SLC22A2: variants seen among roughly 807,000 people sequenced by gnomAD.
SLC22A2 encodes organic cation transporter 2.
In SLC22A2, 46 loss-of-function variants were observed where a neutral mutation model predicts 60.5. That is an observed-to-expected ratio of 0.76 (90% CI 0.60 to 0.97). SLC22A2 has a LOEUF of 0.97. Among genes scored for constraint, SLC22A2 ranks in the 50% least tolerant of loss-of-function variants. The pLI, the probability that SLC22A2 is intolerant of heterozygous loss-of-function variation, is 0.00. For synonymous variants in SLC22A2, 303 were observed against 267.0 expected, an observed-to-expected ratio of 1.13 and a Z score of -1.31; for missense variants, 701 against 706.6, an observed-to-expected ratio of 0.99 and a Z score of 0.09.
At position 160,216,971 on chromosome 6, in the gene SLC22A2, A is replaced by T. The variant is rs3127593; in HGVS notation, c.*461T>A. On this transcript the variant is annotated 3_prime_UTR_variant, in exon 11 of 11. Transcript: ENST00000366953. ...ACCTGTGTTACTGAAAGGCCTATCT[A>T]AAATTCTTGACATACATTCTGGACA... 18,452 of 151,718 alleles carry T rather than the reference A, an allele frequency of 0.12. 1,292 individuals carry two copies. The highest frequency in any genetic ancestry group is 0.17 in the African/African-American group (6,792 of 40,828). 9.4% of individuals were successfully genotyped at this position (151,718 alleles called of 1,614,324 possible).
rs1483942608 is a variant in SLC22A2, at chr6:160,258,536, C to T, written c.222G>A (p.Thr74=). 5 of 1,613,904 alleles carry T rather than the reference C, an allele frequency of 3.1e-6. No homozygotes were observed. The highest frequency in any genetic ancestry group is 2.2e-5 in the East Asian group (1 of 44,886). The change falls in exon 1 of 11, where the codon ACG becomes ACA. Residue 74 remains threonine (T), a synonymous_variant. Coordinates refer to ENST00000366953, the MANE Select transcript of SLC22A2 (RefSeq NM_003058.4). ...GWSPAEELNY[T]VPGPGPAGEA... ...CGCCCGCAGGTCCTGGGCCCGGCAC[C>T]GTGTAGTTCAGTTCCTCTGCAGGAC...
At chr6:160,223,809 C>A (rs1194253054) in intron 10 of SLC22A2, among the ~76,000 whole-genome samples, 1 of 152,152 alleles carries the variant, frequency 6.6e-6, no homozygotes, top group African/African-American at 2.4e-5. Flanking sequence ...CTCACTGCAA[C>A]CTCTGCCTCC....
chr6:160,238,238 G>A (rs945616278), intron 9 of SLC22A2, among the ~76,000 whole-genome samples: 2 of 152,196 alleles, frequency 1.3e-5, no homozygotes, highest in African/African-American at 4.8e-5. Context: ...TTGTTATGAG[G>A]CTGAAATGAA....
chr6:160,251,568 C>T (rs1196673646), intron 2 of SLC22A2, among the ~76,000 whole-genome samples: 1 of 152,120 alleles, frequency 6.6e-6, no homozygotes, highest in Non-Finnish European at 1.5e-5. Flanking sequence ...AGAGAGTTGA[C>T]CTGGGGCCCA....
At chr6:160,240,597 G>T (rs1359962978) in intron 9 of SLC22A2, among the ~76,000 whole-genome samples, 2 of 152,184 alleles carry the variant, frequency 1.3e-5, no homozygotes, top group African/African-American at 4.8e-5. Flanking sequence ...CTGGAAGAGG[G>T]TGTTGCATGA....
intron 1 of SLC22A2, among the ~76,000 whole-genome samples, chr6:160,257,018 A>G (rs529707124): frequency 6.6e-5 from 10 of 151,310 alleles, no homozygotes; most frequent in African/African-American, 1.9e-4. Context: ...CTCACACCTC[A>G]GCCTCCCAAA....
chr6:160,218,768 GCAA>G (rs1324721473), intron 10 of SLC22A2, among the ~76,000 whole-genome samples: 1 of 316 alleles, frequency 3.2e-3, no homozygotes, highest in African/African-American at 0.01. Context: ...ACCAACAATA[GCAA>G]CAACAGCAGC....
intron 9 of SLC22A2, among the ~76,000 whole-genome samples, chr6:160,228,425 C>G (rs1287352125): frequency 1.3e-5 from 2 of 152,134 alleles, no homozygotes; most frequent in Non-Finnish European, 2.9e-5. Context: ...GGCAAAGACA[C>G]TTGACTGAAC....
In SLC22A2 at chr6:160,227,098, G is replaced by A. The variant is rs189883524; in HGVS notation, c.1502-2294C>T. Among the ~76,000 whole-genome samples the A allele has an allele frequency of 4.4e-3, 663 of 152,286 alleles. 7 individuals carry two copies. Among genetic ancestry groups the A allele is most frequent in the African/African-American group, 0.015 (636 of 41,556 alleles). ...TGGCCTGGCAAAGCCATCTTTTGTG[G>A]AGAGAATTTGCATCTGTAAAGAATC... On this transcript the variant is annotated intron_variant, in intron 9 of 10. Transcript: ENST00000366953.
rs145234727 is a variant in SLC22A2, at chr6:160,228,259, C to T, written c.1502-3455G>A. Among the ~76,000 whole-genome samples the T allele has an allele frequency of 1.0e-3, 159 of 152,300 alleles. 2 individuals carry two copies. The highest frequency in any genetic ancestry group is 3.5e-3 in the African/African-American group (147 of 41,554). On this transcript the variant is annotated intron_variant, in intron 9 of 10. Transcript: ENST00000366953. ...GAGGATACTGAGGAGACCTCCCCTC[C>T]GCCAGCGCAAAGGAAACAGACTGCA...
chr6:160,253,690 A>C (rs1311455581), intron 2 of SLC22A2, among the ~76,000 whole-genome samples: 2 of 152,236 alleles, frequency 1.3e-5, no homozygotes, highest in Non-Finnish European at 1.5e-5. Context: ...ATACATTTAC[A>C]ACTAAATTAT....
At chr6:160,219,823 T>A (rs1359823597) in intron 10 of SLC22A2, among the ~76,000 whole-genome samples, 1 of 152,198 alleles carries the variant, frequency 6.6e-6, no homozygotes, top group Admixed American at 6.5e-5. Context: ...CTGTAGTCTA[T>A]TAAATGTGCA....
intron 9 of SLC22A2, among the ~76,000 whole-genome samples, chr6:160,241,186 T>G (rs1583396658): frequency 6.6e-6 from 1 of 152,158 alleles, no homozygotes; most frequent in Non-Finnish European, 1.5e-5. Context: ...CATTCTTCTC[T>G]TCAACATTCT....
intron 9 of SLC22A2, among the ~76,000 whole-genome samples, chr6:160,227,750 CAGTT>C (rs1782746533): frequency 6.6e-6 from 1 of 152,254 alleles, no homozygotes; most frequent in Non-Finnish European, 1.5e-5. Flanking sequence ...CATTCCCAGA[CAGTT>C]AGCACTCTAA....
At chr6:160,227,311 A>G (rs1782739560) in intron 9 of SLC22A2, among the ~76,000 whole-genome samples, 1 of 152,208 alleles carries the variant, frequency 6.6e-6, no homozygotes, top group African/African-American at 2.4e-5. Flanking sequence ...ATCTTAACTC[A>G]GGCACTCTTT....
At chr6:160,237,053 T>C (rs1456540804) in intron 9 of SLC22A2, among the ~76,000 whole-genome samples, 1 of 152,108 alleles carries the variant, frequency 6.6e-6, no homozygotes, top group Non-Finnish European at 1.5e-5. Flanking sequence ...GAGAGAAAAA[T>C]TATGTTTCAA....
At chr6:160,249,116 C>A in intron 4 of SLC22A2, 100 bp downstream of exon 4, 3 of 804,818 alleles carry the variant, frequency 3.7e-6, no homozygotes. Flanking sequence ...AGAGTGAAAG[C>A]AATCTCAGAA....
In SLC22A2 at chr6:160,242,388, T is replaced by G. The variant is rs8177517; in HGVS notation, c.1294A>C (p.Lys432Gln). Residue 432 changes from lysine to glutamine, a missense_variant, in exon 8 of 11, where the codon AAA (lysine) becomes CAA (glutamine). By Grantham distance (53) the Lys-to-Gln change is moderately conservative. Coordinates refer to ENST00000366953, the MANE Select transcript of SLC22A2 (RefSeq NM_003058.4). ...CTTCCCAAGCATGAGATAATAATTT[T>G]TAGCCATTGTAGATCTAAGAGGGAA... ...VFIPGDLQWL[K>Q]IIISCLGRMG... The G allele has an allele frequency of 1.7e-3, 2,672 of 1,591,318 alleles. 36 individuals carry two copies. In the African/African-American group the frequency reaches 0.027, roughly 16 times the overall value.
intron 9 of SLC22A2, among the ~76,000 whole-genome samples, chr6:160,238,283 A>G (rs1347893116): frequency 6.6e-6 from 1 of 152,228 alleles, no homozygotes; most frequent in African/African-American, 2.4e-5. Context: ...AGTGCCTGGC[A>G]CATGGTATAT....
Sources: gnomAD v4.1 joint callset for allele counts (sites outside exome capture counted in the v4.1 genomes callset) on GRCh38, gnomAD v4.1.1 for gene constraint, MANE v1.5 for transcripts, NCBI Gene and HGNC (gene_info 2026-07-23, HGNC 2026-07-21) for gene names.